HACD2: variants seen among roughly 807,000 people sequenced by gnomAD.
HACD2 encodes very-long-chain (3R)-3-hydroxyacyl-CoA dehydratase 2.
A neutral mutation model predicts 31.0 loss-of-function variants in HACD2; 15 were observed. The ratio of observed to expected loss-of-function variants is 0.48; its 90% CI spans 0.32 to 0.75. HACD2 has a LOEUF of 0.75. Among genes scored for constraint, HACD2 ranks in the 30% least tolerant of loss-of-function variants. The pLI, the probability that HACD2 is intolerant of heterozygous loss-of-function variation, is 0.03. For synonymous variants in HACD2, 115 were observed against 122.2 expected, an observed-to-expected ratio of 0.94 and a Z score of 0.39; for missense variants, 283 against 313.0, an observed-to-expected ratio of 0.90 and a Z score of 0.72.
At chr3:123,510,301 G>A (rs1470840182) in intron 4 of HACD2, among the ~76,000 whole-genome samples, 1 of 152,228 alleles carries the variant, frequency 6.6e-6, no homozygotes, top group Non-Finnish European at 1.5e-5. Flanking sequence ...AGGCAGGAGT[G>A]CAGTGGTCCA....
chr3:123,520,228 C>A (rs540393224), intron 4 of HACD2, among the ~76,000 whole-genome samples: 6 of 152,244 alleles, frequency 3.9e-5, no homozygotes, highest in Non-Finnish European at 7.4e-5. Flanking sequence ...ACTAAAAAAA[C>A]CCCTTAATTT....
intron 4 of HACD2, among the ~76,000 whole-genome samples, chr3:123,511,646 A>G (rs1350911679): frequency 6.6e-6 from 1 of 152,214 alleles, no homozygotes; most frequent in Non-Finnish European, 1.5e-5. Context: ...TATCTTTAAT[A>G]TGTCCATGAA....
chr3:123,580,392 C>T (rs2056952919), intron 2 of HACD2, among the ~76,000 whole-genome samples: 1 of 152,066 alleles, frequency 6.6e-6, no homozygotes, highest in Admixed American at 6.5e-5. Flanking sequence ...GGGAGGATGG[C>T]TGGGGCCTGG....
In HACD2 at chr3:123,504,322, A is replaced by T. The variant is rs79788317; in HGVS notation, c.382-1641T>A. On this transcript the variant is annotated intron_variant, in intron 4 of 6. Transcript: ENST00000383657. ...TGGGTTATAATAGGAAGTTCCTCTA[A>T]TATTTTGTACTGTAAACATCTTCAA... Among the ~76,000 whole-genome samples the T allele has an allele frequency of 9.9e-3, 1,507 of 152,322 alleles. 22 individuals carry two copies. Among genetic ancestry groups the T allele is most frequent in the African/African-American group, 0.034 (1,408 of 41,576 alleles).
intron 4 of HACD2, among the ~76,000 whole-genome samples, chr3:123,518,995 TAAAAAAAAAAA>T (rs67571643): frequency 2.4e-5 from 1 of 42,482 alleles, no homozygotes; most frequent in African/African-American, 7.9e-5. Flanking sequence ...AGACTCCAAC[TAAAAAAAAAAA>T]AAAAAAAAAA....
intron 2 of HACD2, among the ~76,000 whole-genome samples, chr3:123,570,917 TACACACACAC>T: frequency 6.9e-6 from 1 of 144,858 alleles, no homozygotes; most frequent in Admixed American, 6.9e-5. Context: ...TTCATACCAT[TACACACACAC>T]ACACACACAC....
chr3:123,565,217 G>T, intron 3 of HACD2, among the ~76,000 whole-genome samples: 1 of 151,952 alleles, frequency 6.6e-6, no homozygotes, highest in East Asian at 1.9e-4. Flanking sequence ...ACATATAAGG[G>T]TATATTTTAA....
chr3:123,579,446 AC>A (rs1257941833), intron 2 of HACD2, among the ~76,000 whole-genome samples: 2 of 151,328 alleles, frequency 1.3e-5, no homozygotes, highest in East Asian at 1.9e-4. Context: ...ACAGGTACCC[AC>A]CACCCAGCCC....
intron 3 of HACD2, among the ~76,000 whole-genome samples, chr3:123,544,533 AG>A (rs2056532177): frequency 6.6e-6 from 1 of 152,236 alleles, no homozygotes; most frequent in Non-Finnish European, 1.5e-5. Context: ...TCAGAGTGAA[AG>A]CTTTTATTTC....
chr3:123,516,607 G>A (rs1197898833), intron 4 of HACD2, among the ~76,000 whole-genome samples: 2 of 152,148 alleles, frequency 1.3e-5, no homozygotes, highest in Non-Finnish European at 2.9e-5. Context: ...ACCAATAACT[G>A]AGAACTATTT....
intron 3 of HACD2, among the ~76,000 whole-genome samples, chr3:123,545,450 C>T (rs2056547336): frequency 1.3e-5 from 2 of 148,662 alleles, no homozygotes; most frequent in African/African-American, 5.0e-5. Context: ...CCACTGCACT[C>T]CGGCCTGGGC....
intron 3 of HACD2, among the ~76,000 whole-genome samples, chr3:123,534,396 C>T (rs566861180): frequency 6.6e-6 from 1 of 151,558 alleles, no homozygotes; most frequent in African/African-American, 2.4e-5. Flanking sequence ...CAACTCATTA[C>T]TCATATGTTT....
rs1049574105 is a variant in HACD2 at position 123,492,617 on chromosome 3, T to G, written c.*2271A>C. The G allele has an allele frequency of 3.3e-5, 5 of 152,170 alleles. No individual in the cohort carries two copies. Among genetic ancestry groups the G allele is most frequent in the Non-Finnish European group, 7.3e-5 (5 of 68,034 alleles). 9.4% of individuals were successfully genotyped at this position (152,170 alleles called of 1,614,324 possible). On this transcript the variant is annotated 3_prime_UTR_variant, in exon 7 of 7. Transcript: ENST00000383657. ...AGGGAGCTGTGTGCTGTGTTCTCAT[T>G]GCCAAAGTTCAATTCAATGCAACAC...
At chr3:123,535,921 C>A (rs533289144) in intron 3 of HACD2, among the ~76,000 whole-genome samples, 2 of 152,300 alleles carry the variant, frequency 1.3e-5, no homozygotes, top group African/African-American at 4.8e-5. Context: ...ATTCTCCCTC[C>A]CAATCCCATC....
chr3:123,550,440 G>A (rs2056607966), intron 3 of HACD2, among the ~76,000 whole-genome samples: 1 of 152,130 alleles, frequency 6.6e-6, no homozygotes, highest in South Asian at 2.1e-4. Context: ...GAGAAAAGGG[G>A]GAGATTTAGA....
At chr3:123,520,389 A>T (rs1162791551) in intron 4 of HACD2, among the ~76,000 whole-genome samples, 1 of 152,258 alleles carries the variant, frequency 6.6e-6, no homozygotes, top group Admixed American at 6.5e-5. Context: ...CATACTGAAT[A>T]GCCAGAGCTA....
At chr3:123,560,332 T>G (rs1037460494) in intron 3 of HACD2, among the ~76,000 whole-genome samples, 1 of 152,192 alleles carries the variant, frequency 6.6e-6, no homozygotes. Context: ...TAGAGCTCCA[T>G]TGTCAGGATG....
At chr3:123,499,915 C>T (rs2055882139) in intron 6 of HACD2, among the ~76,000 whole-genome samples, 1 of 152,114 alleles carries the variant, frequency 6.6e-6, no homozygotes, top group Non-Finnish European at 1.5e-5. Context: ...CTGATAGGCA[C>T]ATTTGATTAT....
chr3:123,524,662 G>A (rs1050107800), intron 4 of HACD2, among the ~76,000 whole-genome samples: 4 of 152,128 alleles, frequency 2.6e-5, no homozygotes, highest in Non-Finnish European at 5.9e-5. Flanking sequence ...TTATGTTTAC[G>A]TCAGGTTTTC....
Sources: allele counts gnomAD v4.1 joint callset (sites outside exome capture counted in the v4.1 genomes callset), GRCh38; gene constraint gnomAD v4.1.1; transcripts MANE v1.5; gene names NCBI Gene and HGNC (gene_info 2026-07-23, HGNC 2026-07-21).